Variants in DCAF1 observed in about 807,000 individuals in gnomAD.
DCAF1 encodes DDB1- and CUL4-associated factor 1.
In DCAF1, 15 loss-of-function variants were observed where a neutral mutation model predicts 128.0. That is an observed-to-expected ratio of 0.12 (90% CI 0.08 to 0.18). DCAF1 has a LOEUF of 0.18. Ranked by LOEUF, DCAF1 falls within the 10% of genes least tolerant of loss-of-function variation. The pLI, the probability that DCAF1 is intolerant of heterozygous loss-of-function variation, is 1.00. For synonymous variants in DCAF1, 610 were observed against 603.0 expected, an observed-to-expected ratio of 1.01 and a Z score of -0.17; for missense variants, 988 against 1,649.5, an observed-to-expected ratio of 0.60 and a Z score of 6.95.
At chr3:51,421,870 T>C (rs1281962493) in intron 14 of DCAF1, among the ~76,000 whole-genome samples, 1 of 6,664 alleles carries the variant, frequency 1.5e-4, no homozygotes. Flanking sequence ...CAAAACTGCT[T>C]ACTTTGTTGT....
At chr3:51,434,782 C>T (rs1472601899) in intron 9 of DCAF1, among the ~76,000 whole-genome samples, 1 of 152,094 alleles carries the variant, frequency 6.6e-6, no homozygotes, top group Non-Finnish European at 1.5e-5. Flanking sequence ...TTTTAACTGC[C>T]TGTTCAAGTC....
intron 6 of DCAF1, among the ~76,000 whole-genome samples, chr3:51,455,267 A>C (rs1356122173): frequency 2.0e-5 from 3 of 152,212 alleles, no homozygotes; most frequent in Non-Finnish European, 4.4e-5. Flanking sequence ...TATCACTGGG[A>C]AGATCACTCA....
intron 12 of DCAF1, among the ~76,000 whole-genome samples, chr3:51,427,977 T>C (rs1211197061): frequency 6.6e-6 from 1 of 152,134 alleles, no homozygotes; most frequent in Admixed American, 6.6e-5. Context: ...GTTTTAATTA[T>C]AAATTAAATA....
intron 23 of DCAF1, among the ~76,000 whole-genome samples, chr3:51,408,689 A>C (rs1240368397): frequency 2.6e-5 from 4 of 152,210 alleles, no homozygotes; most frequent in African/African-American, 9.6e-5. Context: ...GATCAACAGA[A>C]TTAAGGTTAC....
chr3:51,439,329 T>C (rs143907062), intron 9 of DCAF1, among the ~76,000 whole-genome samples: 2 of 152,022 alleles, frequency 1.3e-5, no homozygotes, highest in East Asian at 1.9e-4. Context: ...AGGTCTCCCA[T>C]GTTGACTAAG....
intron 23 of DCAF1, among the ~76,000 whole-genome samples, chr3:51,411,150 G>A (rs942217586): frequency 5.0e-4 from 63 of 126,948 alleles, no homozygotes; most frequent in Middle Eastern, 4.7e-3. Context: ...GACAAGAGCA[G>A]AACTCCATCT....
intron 24 of DCAF1, among the ~76,000 whole-genome samples, chr3:51,402,566 A>T (rs1188282815): frequency 8.1e-4 from 69 of 84,972 alleles, no homozygotes; most frequent in Admixed American, 1.3e-3. Flanking sequence ...CCTACAAAGC[A>T]TTTTTTTTTT....
At chr3:51,414,883 G>A (rs2107218953) in intron 18 of DCAF1, 26 bp from the exon 19 acceptor site, 2 of 1,598,664 alleles carry the variant, frequency 1.3e-6, no homozygotes, top group Non-Finnish European at 1.7e-6. Context: ...GATGGGAAGA[G>A]AAAAATCAGA....
At chr3:51,490,884 C>A (rs1409278730) in intron 2 of DCAF1, among the ~76,000 whole-genome samples, 2 of 152,110 alleles carry the variant, frequency 1.3e-5, no homozygotes, top group African/African-American at 4.8e-5. Flanking sequence ...CGAGATCGTG[C>A]CACTGCACTC....
chr3:51,410,754 G>A (rs1228336464), intron 23 of DCAF1, among the ~76,000 whole-genome samples: 1 of 152,228 alleles, frequency 6.6e-6, no homozygotes, highest in Non-Finnish European at 1.5e-5. Context: ...CAAAAAGTAG[G>A]GAAGGATGAG....
In DCAF1 at chr3:51,407,984, C is replaced by CAAAAAAAAAAA. The variant is rs59224025; in HGVS notation, c.4212+4384_4212+4394dup. Among the ~76,000 whole-genome samples the CAAAAAAAAAAA allele has an allele frequency of 4.8e-4, 25 of 52,540 alleles. 2 individuals carry two copies. Among genetic ancestry groups the CAAAAAAAAAAA allele is most frequent in the East Asian group, 5.9e-4 (1 of 1,706 alleles). 34.5% of individuals were successfully genotyped at this position (52,540 alleles called of 152,430 possible). A position where few individuals can be genotyped will look rare whatever the true frequency, so the allele number is the denominator to read the frequency against. On this transcript the variant is annotated intron_variant, in intron 23 of 24. Transcript: ENST00000684031. ...TGGGTGACAGGGCGAGACTCCATCT[C>CAAAAAAAAAAA]AAAAAAAAAAAAAAAAAAAAAAAAA...
chr3:51,497,064 G>C (rs1553661272), intron 1 of DCAF1, among the ~76,000 whole-genome samples: 1 of 152,170 alleles, frequency 6.6e-6, no homozygotes, highest in Admixed American at 6.6e-5. Context: ...GGAGACTGAA[G>C]TGGGTGGATT....
At chr3:51,502,544 G>C (rs991399117), upstream of DCAF1, among the ~76,000 whole-genome samples, 11 of 151,954 alleles carry the variant, frequency 7.2e-5, no homozygotes, top group Admixed American at 6.6e-4. Flanking sequence ...GTGACAGAGA[G>C]AGACTCTGTC....
Position 51,483,765 on chromosome 3 carries a change from C to T in DCAF1, c.64G>A (p.Glu22Lys). The change falls in exon 3 of 25, where the codon GAA becomes AAA. Residue 22 changes from glutamate (E) to lysine (K), a missense_variant. Around this residue, in one of 11 missense-constraint regions of DCAF1, gnomAD observed 48 missense variants for 52.6 expected, o/e 0.91. Coordinates refer to ENST00000684031, the MANE Select transcript of DCAF1 (RefSeq NM_001387579.1). ...TCCTGCCCACTGCCATGTTCCTTTT[C>T]CCACTGCTCCAGCAGGGTAGTGAGC... ...AELTTLLEQW[E>K]KEHGSGQDMV... 2 of 1,613,826 alleles carry T rather than the reference C, an allele frequency of 1.2e-6. No homozygotes were observed. Among genetic ancestry groups the T allele is most frequent in the Non-Finnish European group, 1.7e-6 (2 of 1,179,868 alleles).
chr3:51,449,031 A>G (rs1702128259), intron 6 of DCAF1, among the ~76,000 whole-genome samples: 1 of 152,156 alleles, frequency 6.6e-6, no homozygotes, highest in South Asian at 2.1e-4. Context: ...GAAATCAACA[A>G]TATCGCAAAA....
chr3:51,455,905 G>GAA (rs1215449609), intron 6 of DCAF1, among the ~76,000 whole-genome samples: 5 of 146,586 alleles, frequency 3.4e-5, no homozygotes, highest in African/African-American at 1.0e-4. Flanking sequence ...CTCAAAAAAA[G>GAA]AAAAAAAAAA....
At chr3:51,414,969 G>T in intron 18 of DCAF1, 112 bp from the exon 19 acceptor site, 1 of 1,427,178 alleles carries the variant, frequency 7.0e-7, no homozygotes, top group Non-Finnish European at 9.3e-7. Flanking sequence ...TTCTCCACAT[G>T]GATCAATGAT....
At chr3:51,421,564 G>A (rs1214803582) in intron 14 of DCAF1, among the ~76,000 whole-genome samples, 1 of 152,072 alleles carries the variant, frequency 6.6e-6, no homozygotes, top group African/African-American at 2.4e-5. Context: ...ACCTTTTCTG[G>A]TTTATTAATT....
At chr3:51,474,451 T>TA (rs1421375401) in intron 3 of DCAF1, among the ~76,000 whole-genome samples, 1 of 152,056 alleles carries the variant, frequency 6.6e-6, no homozygotes, top group Non-Finnish European at 1.5e-5. Context: ...ATAAAAGAGT[T>TA]AAACTCTCTG....
Sources: allele counts gnomAD v4.1 joint callset (sites outside exome capture counted in the v4.1 genomes callset), GRCh38; gene constraint gnomAD v4.1.1; regional missense constraint gnomAD v4.1.1; transcripts MANE v1.5; gene names NCBI Gene and HGNC (gene_info 2026-07-23, HGNC 2026-07-21).